The following TNFAIP8 variants were observed in gnomAD, a reference collection of about 807,000 sequenced individuals.
TNFAIP8 encodes tumor necrosis factor alpha-induced protein 8.
Under a neutral mutation model 13.3 loss-of-function variants are expected in TNFAIP8, and 7 were observed. The ratio of observed to expected loss-of-function variants is 0.52; its 90% CI spans 0.30 to 0.99. The LOEUF (loss-of-function observed/expected upper bound fraction) is 0.99, where lower values mean the gene tolerates loss of function less well. TNFAIP8 is among the 50% of genes least tolerant of loss of function. TNFAIP8 has a pLI of 0.07. For missense variants in TNFAIP8, 258 were observed against 236.9 expected, an observed-to-expected ratio of 1.09 and a Z score of -0.58; for synonymous variants, 94 against 87.6, an observed-to-expected ratio of 1.07 and a Z score of -0.41.
At position 119,322,032 on chromosome 5, in the gene TNFAIP8, T is replaced by G. The variant is rs532561243; in HGVS notation, c.1+53125T>G. Among the ~76,000 whole-genome samples the G allele has an allele frequency of 3.3e-4, 50 of 152,174 alleles. No individual in the cohort carries two copies. The South Asian group carries it at 9.8e-3, about 30-fold the overall frequency. On this transcript the variant is annotated intron_variant, in intron 1 of 1. Coordinates refer to the TNFAIP8 transcript ENST00000274456. ...ACTTCAGAGCCTTTGCACACACCCC[T>G]CCCTCTGCCTGGAAGCCCCTTCCCT...
intron 1 of TNFAIP8, among the ~76,000 whole-genome samples, chr5:119,338,328 A>G (rs1338156462): frequency 6.6e-6 from 1 of 152,228 alleles, no homozygotes; most frequent in African/African-American, 2.4e-5. Context: ...AAGCCCCGTC[A>G]GGAAGGGTAG....
rs549712977 is a variant in TNFAIP8, at chr5:119,275,110, A to G, written c.1+6203A>G. Among the ~76,000 whole-genome samples the G allele has an allele frequency of 7.9e-5, 12 of 152,224 alleles. No homozygotes were observed. In the South Asian group the frequency reaches 2.3e-3, roughly 29 times the overall value. ...AAAATGAACACAACATATAAAATAA[A>G]CACAACATATAAAATGAACACCTAT... is the stretch of plus-strand genomic sequence containing the variant. On this transcript the variant is annotated intron_variant, in intron 1 of 1. Transcript: ENST00000274456.
At chr5:119,290,542 A>G (rs1581574236) in intron 1 of TNFAIP8, among the ~76,000 whole-genome samples, 2 of 152,300 alleles carry the variant, frequency 1.3e-5, no homozygotes, top group Middle Eastern at 6.8e-3. Context: ...GAAGCCTCAG[A>G]TGTCTCCTAT....
chr5:119,387,375 A>G (rs933501465), intron 1 of TNFAIP8, among the ~76,000 whole-genome samples: 2 of 152,234 alleles, frequency 1.3e-5, no homozygotes, highest in African/African-American at 2.4e-5. Flanking sequence ...CCTTCCTAAT[A>G]TTGGAAACCT....
chr5:119,355,864 G>A, upstream of TNFAIP8: 2 of 1,127,776 alleles, frequency 1.8e-6, no homozygotes, highest in African/African-American at 1.7e-5. Context: ...CGGCTCCGGG[G>A]GCGGACTCCC....
At position 119,363,791 on chromosome 5, in the gene TNFAIP8, C is replaced by G. The variant is rs192381754; in HGVS notation, c.31+7670C>G. 1.8e-3 allele frequency among the ~76,000 whole-genome samples: 275 copies of G among 152,288 alleles called. 1 individual carries two copies. Among genetic ancestry groups the G allele is most frequent in the Non-Finnish European group, 3.3e-3 (222 of 68,020 alleles). Reference sequence around the variant, plus strand: ...GGGCAGACCCCACAGGTTAAGGGCTCAGTCCCACAAGACTGTCCTCCAACT... The same window carrying G: ...GGGCAGACCCCACAGGTTAAGGGCTGAGTCCCACAAGACTGTCCTCCAACT... On this transcript the variant is annotated intron_variant, in intron 1 of 1. Coordinates refer to ENST00000504771, the MANE Select transcript of TNFAIP8 (RefSeq NM_014350.4).
In TNFAIP8 at chr5:119,395,097, G is replaced by A. The variant is rs530476947; in HGVS notation, c.*1716G>A. 3 of 152,318 alleles carry A rather than the reference G, an allele frequency of 2.0e-5. No individual in the cohort carries two copies. The South Asian group carries it at 6.2e-4, about 32-fold the overall frequency. 9.4% of individuals were successfully genotyped at this position (152,318 alleles called of 1,614,324 possible). A position where few individuals can be genotyped will look rare whatever the true frequency, so the allele number is the denominator to read the frequency against. On this transcript the variant is annotated 3_prime_UTR_variant, in exon 2 of 2. Transcript: ENST00000504771. ...CTTGGCTAAGACAAGCAGCAAAGGTGTAGAGTTTCTTCCTGTTTGATATTA... is the reference window on the plus strand; with the variant it reads ...CTTGGCTAAGACAAGCAGCAAAGGTATAGAGTTTCTTCCTGTTTGATATTA...
chr5:119,303,677 T>C (rs1749462054), intron 1 of TNFAIP8, among the ~76,000 whole-genome samples: 1 of 152,208 alleles, frequency 6.6e-6, no homozygotes. Context: ...AGAAGTTTCA[T>C]GCAGTAACCA....
At chr5:119,327,804 T>A (rs1255362917) in intron 1 of TNFAIP8, among the ~76,000 whole-genome samples, 1 of 152,162 alleles carries the variant, frequency 6.6e-6, no homozygotes, top group Non-Finnish European at 1.5e-5. Context: ...AGGTTATTAT[T>A]ATATTCACTT....
intron 1 of TNFAIP8, among the ~76,000 whole-genome samples, chr5:119,313,512 G>A (rs1749795678): frequency 6.6e-6 from 1 of 152,108 alleles, no homozygotes; most frequent in Non-Finnish European, 1.5e-5. Flanking sequence ...TAATAGGCAC[G>A]GGCTTTGACA....
chr5:119,334,624 CGTGTGTGTGTGT>C (rs59714206), intron 1 of TNFAIP8, among the ~76,000 whole-genome samples: 22 of 135,694 alleles, frequency 1.6e-4, no homozygotes, highest in African/African-American at 4.0e-4. Flanking sequence ...GTGATCCTTT[CGTGTGTGTGTGT>C]GTGTGTGTGT....
At chr5:119,323,828 T>C (rs1750133915) in intron 1 of TNFAIP8, among the ~76,000 whole-genome samples, 1 of 152,126 alleles carries the variant, frequency 6.6e-6, no homozygotes, top group South Asian at 2.1e-4. Flanking sequence ...CTCCTTCAAT[T>C]TGAGCTTGTG....
upstream of TNFAIP8, chr5:119,354,674 A>G (rs1751314176): frequency 6.6e-6 from 1 of 152,322 alleles, no homozygotes; most frequent in Non-Finnish European, 1.5e-5. Context: ...AAATAATACT[A>G]TTTTTATCTT....
intron 1 of TNFAIP8, among the ~76,000 whole-genome samples, chr5:119,321,891 A>G (rs1000633971): frequency 6.6e-6 from 1 of 151,966 alleles, no homozygotes; most frequent in East Asian, 1.9e-4. Flanking sequence ...GCTCCCCTTC[A>G]TGTGGCCTCT....
intron 1 of TNFAIP8, among the ~76,000 whole-genome samples, chr5:119,288,354 T>C (rs1161386466): frequency 6.6e-6 from 1 of 152,220 alleles, no homozygotes; most frequent in Non-Finnish European, 1.5e-5. Flanking sequence ...AGGTGTACCT[T>C]GAGGGAATGT....
At chr5:119,283,501 TC>T (rs1748693981) in intron 1 of TNFAIP8, among the ~76,000 whole-genome samples, 1 of 152,134 alleles carries the variant, frequency 6.6e-6, no homozygotes, top group African/African-American at 2.4e-5. Context: ...TAATGGTTCT[TC>T]CCTGATGGAT....
chr5:119,299,356 G>A (rs887630345), intron 1 of TNFAIP8, among the ~76,000 whole-genome samples: 1 of 152,180 alleles, frequency 6.6e-6, no homozygotes, highest in Admixed American at 6.5e-5. Context: ...GTCTGTTGGA[G>A]TTTGCTAGAG....
chr5:119,393,045 G>A lies in TNFAIP8; in HGVS notation c.261G>A (p.Arg87=), dbSNP rs779060744. The part of the protein sequence containing the change: ...KTVIKLAILY[R]NNQFNQDELA... ...TCATCAAGCTGGCCATTCTTTATAGGAATAATCAGTTTAATCAAGATGAGC... is the reference window on the plus strand; with the variant it reads ...TCATCAAGCTGGCCATTCTTTATAGAAATAATCAGTTTAATCAAGATGAGC... Residue 87 remains arginine (R), a synonymous_variant, in exon 2 of 2, where the codon AGG becomes AGA. Transcript: ENST00000504771. The A allele has an allele frequency of 1.5e-5, 24 of 1,613,456 alleles. No homozygotes were observed. Among genetic ancestry groups the A allele is most frequent in the Non-Finnish European group, 1.9e-5 (23 of 1,179,732 alleles).
chr5:119,379,969 C>T (rs929223870), intron 1 of TNFAIP8, among the ~76,000 whole-genome samples: 1 of 152,190 alleles, frequency 6.6e-6, no homozygotes, highest in African/African-American at 2.4e-5. Context: ...GATTCTGCAG[C>T]TGGCAAGCAG....
Sources: gnomAD v4.1 joint callset for allele counts (sites outside exome capture counted in the v4.1 genomes callset) on GRCh38, gnomAD v4.1.1 for gene constraint, MANE v1.5 for transcripts, NCBI Gene and HGNC (gene_info 2026-07-23, HGNC 2026-07-21) for gene names.